The following ARHGAP24 variants were observed in gnomAD, a reference collection of about 807,000 sequenced individuals.
ARHGAP24 encodes Rho GTPase activating protein 24, also known as rho GTPase-activating protein 24.
ARHGAP24 carries 50 observed loss-of-function variants against 76.4 expected under a neutral mutation model. That is an observed-to-expected ratio of 0.65 (90% CI 0.52 to 0.83). ARHGAP24 has a LOEUF of 0.83. Ranked by LOEUF, ARHGAP24 falls within the 40% of genes least tolerant of loss-of-function variation. The pLI is 0.00. For synonymous variants in ARHGAP24, 345 were observed against 323.3 expected, an observed-to-expected ratio of 1.07 and a Z score of -0.72; for missense variants, 930 against 914.2, an observed-to-expected ratio of 1.02 and a Z score of -0.22.
intron 2 of ARHGAP24, among the ~76,000 whole-genome samples, chr4:85,652,407 G>C (rs1213085921): frequency 6.6e-6 from 1 of 152,130 alleles, no homozygotes; most frequent in Non-Finnish European, 1.5e-5. Context: ...ATTTCCATGA[G>C]AAGTCAATCC....
chr4:85,988,168 A>G (rs751233229), intron 8 of ARHGAP24, among the ~76,000 whole-genome samples: 14 of 152,038 alleles, frequency 9.2e-5, no homozygotes, highest in Admixed American at 1.3e-4. Context: ...TTGTACTACA[A>G]GAAACGTTAA....
intron 3 of ARHGAP24, among the ~76,000 whole-genome samples, chr4:85,781,663 GA>G (rs1727561912): frequency 6.6e-6 from 1 of 152,026 alleles, no homozygotes; most frequent in African/African-American, 2.4e-5. Flanking sequence ...TTTTCTGTTT[GA>G]AACAATGAAT....
intron 3 of ARHGAP24, among the ~76,000 whole-genome samples, chr4:85,789,667 G>A (rs944674457): frequency 6.6e-6 from 1 of 152,154 alleles, no homozygotes; most frequent in Non-Finnish European, 1.5e-5. Flanking sequence ...CCCTGTTCTG[G>A]ACTTTTGACA....
At chr4:85,613,693 A>G (rs1720464262) in intron 2 of ARHGAP24, among the ~76,000 whole-genome samples, 1 of 152,184 alleles carries the variant, frequency 6.6e-6, no homozygotes, top group African/African-American at 2.4e-5. Context: ...CTAGCCAGGA[A>G]CCTGCTTGCC....
chr4:85,869,968 T>C (rs933626299), intron 3 of ARHGAP24, among the ~76,000 whole-genome samples: 6 of 152,184 alleles, frequency 3.9e-5, no homozygotes, highest in Admixed American at 3.3e-4. Context: ...TTTGTGCCTT[T>C]GACTAGTGTC....
At chr4:85,628,528 G>GGT (rs1721051370) in intron 2 of ARHGAP24, among the ~76,000 whole-genome samples, 1 of 152,032 alleles carries the variant, frequency 6.6e-6, no homozygotes, top group Non-Finnish European at 1.5e-5. Flanking sequence ...TATCTGTGGC[G>GGT]GTGTTCACAT....
chr4:85,483,075 G>T (rs1463461020), intron 1 of ARHGAP24, among the ~76,000 whole-genome samples: 1 of 152,160 alleles, frequency 6.6e-6, no homozygotes, highest in Non-Finnish European at 1.5e-5. Context: ...TAGTGTTAAT[G>T]TGAGTTCTTA....
At chr4:85,776,615 G>T (rs1727317074) in intron 3 of ARHGAP24, among the ~76,000 whole-genome samples, 1 of 152,146 alleles carries the variant, frequency 6.6e-6, no homozygotes, top group Non-Finnish European at 1.5e-5. Flanking sequence ...CACCAAAATT[G>T]CTAGTTCCTT....
At chr4:85,930,293 G>A (rs769411382) in intron 4 of ARHGAP24, 86 of 985,874 alleles carry the variant, frequency 8.7e-5, no homozygotes, top group Non-Finnish European at 9.8e-5. Flanking sequence ...AGACAGAAAG[G>A]AAAGGGGAGA....
chr4:86,001,177 A>G lies in ARHGAP24; in HGVS notation c.*455A>G, dbSNP rs977095982. The G allele has an allele frequency of 7.6e-6, 3 of 394,558 alleles. No individual in the cohort carries two copies. In the Admixed American group the frequency reaches 1.3e-4, roughly 17 times the overall value. The allele number at this position is 394,558 out of a possible 1,614,324, so 24.4% of individuals were successfully genotyped here. A position where few individuals can be genotyped will look rare whatever the true frequency, so the allele number is the denominator to read the frequency against. On this transcript the variant is annotated 3_prime_UTR_variant, in exon 10 of 10. Coordinates refer to ENST00000395184, the MANE Select transcript of ARHGAP24 (RefSeq NM_001025616.3). The stretch of plus-strand genomic sequence containing the variant: ...GCTGAGGAAATGAAGATAAGCAAAA[A>G]TATAAATATATATATAAATATATGA...
intron 2 of ARHGAP24, among the ~76,000 whole-genome samples, chr4:85,616,614 C>T (rs996803907): frequency 6.6e-6 from 1 of 151,930 alleles, no homozygotes; most frequent in East Asian, 1.9e-4. Context: ...CTCTCCTTTG[C>T]CTGTTTGTAT....
chr4:85,545,710 T>C (rs2110125806), intron 1 of ARHGAP24, among the ~76,000 whole-genome samples: 1 of 152,222 alleles, frequency 6.6e-6, no homozygotes, highest in East Asian at 1.9e-4. Context: ...GAAATATATA[T>C]GCATAAATAT....
intron 3 of ARHGAP24, among the ~76,000 whole-genome samples, chr4:85,861,000 G>GCAAACACACACACACACACACA: frequency 7.3e-6 from 1 of 137,510 alleles, no homozygotes; most frequent in Middle Eastern, 3.7e-3. Context: ...GTGCATGCAC[G>GCAAACACACACACACACACACA]CACACACACA....
chr4:85,708,312 A>C (rs1346268987), intron 2 of ARHGAP24, among the ~76,000 whole-genome samples: 1 of 152,204 alleles, frequency 6.6e-6, no homozygotes. Flanking sequence ...AAGAAAAATG[A>C]TGTTAACAAA....
chr4:85,861,177 C>T lies in ARHGAP24; in HGVS notation c.269-62471C>T, dbSNP rs148031343. Among the ~76,000 whole-genome samples the T allele has an allele frequency of 1.5e-4, 23 of 152,084 alleles. No individual in the cohort carries two copies. The East Asian group carries it at 2.1e-3, about 14-fold the overall frequency. On this transcript the variant is annotated intron_variant, in intron 3 of 9. Coordinates refer to ENST00000395184, the MANE Select transcript of ARHGAP24 (RefSeq NM_001025616.3). Reference sequence around the variant, plus strand: ...AAAAATGCCAAAATTAAACATGAAACGACTACTAACCTGCCTTGTCATTCA... The same window carrying T: ...AAAAATGCCAAAATTAAACATGAAATGACTACTAACCTGCCTTGTCATTCA...
rs1389723800 is a variant in ARHGAP24 at position 85,994,670 on chromosome 4, C to T, written c.1016C>T (p.Pro339Leu). 1.9e-6 allele frequency: 3 copies of T among 1,614,066 alleles called. No individual in the cohort carries two copies. Among genetic ancestry groups the T allele is most frequent in the Admixed American group, 3.3e-5 (2 of 60,000 alleles). Residue 339 changes from proline (P) to leucine (L), a missense_variant, in exon 9 of 10, where the codon CCC becomes CTC. Transcript: ENST00000395184. ...AAAGATGCAGAACTACAAAGCAAGC[C>T]CCAAGATGGAGTGAGCAACAACAAT... ...FPKDAELQSKPQDGVSNNNEI... is the reference protein window; with the variant it reads ...FPKDAELQSKLQDGVSNNNEI...
chr4:85,954,202 T>C (rs147631603), intron 5 of ARHGAP24, among the ~76,000 whole-genome samples: 1 of 152,072 alleles, frequency 6.6e-6, no homozygotes, highest in Non-Finnish European at 1.5e-5. Flanking sequence ...ATACAGGAGG[T>C]AGTTAGTAGA....
intron 4 of ARHGAP24, among the ~76,000 whole-genome samples, chr4:85,925,597 T>G (rs1481444377): frequency 6.6e-6 from 1 of 152,258 alleles, no homozygotes; most frequent in Non-Finnish European, 1.5e-5. Context: ...GTATATATAT[T>G]GCTATAATTG....
intron 2 of ARHGAP24, among the ~76,000 whole-genome samples, chr4:85,617,571 T>C (rs1404894057): frequency 6.6e-6 from 1 of 152,176 alleles, no homozygotes; most frequent in Non-Finnish European, 1.5e-5. Context: ...TATATACCAA[T>C]TTAGCCTATA....
Sources: gnomAD v4.1 joint callset for allele counts (sites outside exome capture counted in the v4.1 genomes callset) on GRCh38, gnomAD v4.1.1 for gene constraint, MANE v1.5 for transcripts, NCBI Gene and HGNC (gene_info 2026-07-23, HGNC 2026-07-21) for gene names.